Variants in RAB28 observed in about 807,000 individuals in gnomAD.
RAB28 encodes ras-related protein Rab-28.
A neutral mutation model predicts 31.7 loss-of-function variants in RAB28; 24 were observed. That is an observed-to-expected ratio of 0.76 (90% CI 0.55 to 1.06). The LOEUF is 1.06. RAB28 is among the 50% of genes least tolerant of loss of function. The pLI, the probability that RAB28 is intolerant of heterozygous loss-of-function variation, is 0.00. For synonymous variants in RAB28, 100 were observed against 90.4 expected, an observed-to-expected ratio of 1.11 and a Z score of -0.60; for missense variants, 254 against 258.5, an observed-to-expected ratio of 0.98 and a Z score of 0.12.
chr4:13,398,384 T>C (rs1427970044), intron 4 of RAB28, among the ~76,000 whole-genome samples: 6 of 152,142 alleles, frequency 3.9e-5, no homozygotes, highest in African/African-American at 9.7e-5. Flanking sequence ...AGGCCCAAGT[T>C]CACTTATACC....
chr4:13,380,520 T>G (rs113699698), intron 5 of RAB28, among the ~76,000 whole-genome samples: 2,838 of 151,670 alleles, frequency 0.019, 83 homozygotes, highest in African/African-American at 0.063. Context: ...CTTTTAAAAT[T>G]TCAACCTCAA....
chr4:13,415,324 G>A (rs1284651245), intron 4 of RAB28, among the ~76,000 whole-genome samples: 1 of 152,212 alleles, frequency 6.6e-6, no homozygotes, highest in Non-Finnish European at 1.5e-5. Flanking sequence ...AGTGCCCGCC[G>A]CTGGGCTGTT....
chr4:13,378,351 T>C (rs1729001579), intron 5 of RAB28, among the ~76,000 whole-genome samples: 1 of 152,124 alleles, frequency 6.6e-6, no homozygotes, highest in East Asian at 1.9e-4. Context: ...GTACTGACCA[T>C]TGGATTCAGC....
chr4:13,387,205 A>G (rs1265390390), intron 4 of RAB28, among the ~76,000 whole-genome samples: 1 of 152,074 alleles, frequency 6.6e-6, no homozygotes, highest in Non-Finnish European at 1.5e-5. Context: ...ACACAAGTGT[A>G]ACTATGTAAC....
chr4:13,371,242 C>G (rs1703289976), intron 6 of RAB28: 9 of 985,276 alleles, frequency 9.1e-6, no homozygotes, highest in African/African-American at 1.7e-5. Context: ...TTACTAGGCA[C>G]TCTGCCTGAT....
chr4:13,370,059 G>A (rs1315726051), intron 6 of RAB28: 90 of 1,471,670 alleles, frequency 6.1e-5, no homozygotes, highest in South Asian at 1.7e-4. Flanking sequence ...GAATATAGAA[G>A]GAAACACCAA....
At chr4:13,427,109 C>G (rs1713540196) in intron 4 of RAB28, among the ~76,000 whole-genome samples, 1 of 152,144 alleles carries the variant, frequency 6.6e-6, no homozygotes, top group Non-Finnish European at 1.5e-5. Context: ...GCAAACTTTT[C>G]CATTATTGAG....
intron 2 of RAB28, among the ~76,000 whole-genome samples, chr4:13,478,703 T>A (rs1416665024): frequency 6.6e-6 from 1 of 151,708 alleles, no homozygotes; most frequent in East Asian, 1.9e-4. Flanking sequence ...ACTTTAAACA[T>A]ATAATTTAAC....
At chr4:13,444,089 G>A (rs1484367233) in intron 4 of RAB28, among the ~76,000 whole-genome samples, 6 of 150,390 alleles carry the variant, frequency 4.0e-5, no homozygotes, top group African/African-American at 9.8e-5. Flanking sequence ...GTGCAGTGGC[G>A]CGATCTCGGC....
At chr4:13,480,285 A>T in intron 1 of RAB28, among the ~76,000 whole-genome samples, 1 of 151,814 alleles carries the variant, frequency 6.6e-6, no homozygotes, top group East Asian at 1.9e-4. Context: ...AAAGCAAAAG[A>T]ATAATTATTC....
intron 6 of RAB28, chr4:13,370,775 T>TAA: frequency 5.3e-6 from 5 of 942,040 alleles, no homozygotes; most frequent in Non-Finnish European, 5.1e-6. Flanking sequence ...GCAGGTCATG[T>TAA]AAAAAAAAAA....
At chr4:13,423,842 C>G (rs889429541) in intron 4 of RAB28, among the ~76,000 whole-genome samples, 1 of 152,086 alleles carries the variant, frequency 6.6e-6, no homozygotes, top group East Asian at 1.9e-4. Context: ...TAATTATAAG[C>G]TGATTCTACA....
chr4:13,410,594 T>A (rs1712386299), intron 4 of RAB28, among the ~76,000 whole-genome samples: 1 of 152,134 alleles, frequency 6.6e-6, no homozygotes, highest in Non-Finnish European at 1.5e-5. Context: ...AAAAGCCTTA[T>A]CAGCTCCTAT....
chr4:13,415,797 C>A (rs903816659), intron 4 of RAB28, among the ~76,000 whole-genome samples: 4 of 152,238 alleles, frequency 2.6e-5, no homozygotes, highest in African/African-American at 9.6e-5. Context: ...GCAGGCAGCT[C>A]CACCTGCAGC....
intron 4 of RAB28, among the ~76,000 whole-genome samples, chr4:13,413,120 AT>A (rs1185086016): frequency 2.6e-5 from 4 of 152,300 alleles, no homozygotes; most frequent in East Asian, 3.9e-4. Flanking sequence ...TCACAAAAAA[AT>A]GGAAGGATTT....
At chr4:13,397,292 A>G (rs1419901033) in intron 4 of RAB28, among the ~76,000 whole-genome samples, 1 of 152,116 alleles carries the variant, frequency 6.6e-6, no homozygotes, top group East Asian at 1.9e-4. Flanking sequence ...ACACATACAC[A>G]TATTATGAAA....
At chr4:13,431,561 T>G (rs1240525737) in intron 4 of RAB28, among the ~76,000 whole-genome samples, 1 of 151,890 alleles carries the variant, frequency 6.6e-6, no homozygotes, top group Non-Finnish European at 1.5e-5. Context: ...CGAGATAAGA[T>G]TCTGGAGACC....
chr4:13,388,185 A>G (rs910559220), intron 4 of RAB28, among the ~76,000 whole-genome samples: 2 of 152,054 alleles, frequency 1.3e-5, no homozygotes, highest in Non-Finnish European at 2.9e-5. Flanking sequence ...TAGTCTTCCA[A>G]ATAGAATAGA....
intron 4 of RAB28, among the ~76,000 whole-genome samples, chr4:13,424,293 T>C (rs941618187): frequency 6.6e-6 from 1 of 152,216 alleles, no homozygotes; most frequent in Non-Finnish European, 1.5e-5. Flanking sequence ...CTGAAGGCTC[T>C]AAGGAAGAAT....
Sources: allele counts gnomAD v4.1 joint callset (sites outside exome capture counted in the v4.1 genomes callset), GRCh38; gene constraint gnomAD v4.1.1; transcripts MANE v1.5; gene names NCBI Gene and HGNC (gene_info 2026-07-23, HGNC 2026-07-21).